SMYD3: variants seen among roughly 807,000 people sequenced by gnomAD.
SMYD3 encodes the protein histone-lysine N-methyltransferase SMYD3.
SMYD3 carries 36 observed loss-of-function variants against 57.7 expected under a neutral mutation model. The ratio of observed to expected loss-of-function variants is 0.62; its 90% CI spans 0.48 to 0.82. SMYD3 has a LOEUF of 0.82. Ranked by LOEUF, SMYD3 falls within the 40% of genes least tolerant of loss-of-function variation. SMYD3 has a pLI of 0.00. For synonymous variants in SMYD3, 211 were observed against 195.0 expected (o/e 1.08, Z -0.68); for missense variants, 515 against 538.8 (o/e 0.96, Z 0.44).
rs77134038 is a variant in SMYD3 at position 246,141,741 on chromosome 1, T to C, written c.531+185460A>G. Among the ~76,000 whole-genome samples the C allele has an allele frequency of 2.7e-3, 413 of 152,306 alleles. 2 individuals are homozygous for C. Among genetic ancestry groups the C allele is most frequent in the African/African-American group, 9.2e-3 (382 of 41,576 alleles). On this transcript the variant is annotated intron_variant, in intron 5 of 11. Transcript: ENST00000490107. Reference sequence around the variant, plus strand: ...ACAGTCCAGAATTCATAAAGCAATGTAAAAACATTCAAGATTCCATTTAGT... The same window carrying C: ...ACAGTCCAGAATTCATAAAGCAATGCAAAAACATTCAAGATTCCATTTAGT...
intron 10 of SMYD3, among the ~76,000 whole-genome samples, chr1:245,823,312 C>T (rs932187525): frequency 2.8e-5 from 4 of 143,190 alleles, no homozygotes; most frequent in African/African-American, 1.0e-4. Context: ...CTCTGCCACA[C>T]GTGCGTGTGC....
intron 5 of SMYD3, among the ~76,000 whole-genome samples, chr1:246,258,082 G>T (rs776475447): frequency 9.9e-5 from 15 of 152,220 alleles, no homozygotes; most frequent in Non-Finnish European, 2.2e-4. Context: ...TGTCACCCAG[G>T]CTAGAGTGCA....
chr1:245,959,901 C>T (rs2057955836), intron 5 of SMYD3, among the ~76,000 whole-genome samples: 2 of 152,138 alleles, frequency 1.3e-5, no homozygotes, highest in South Asian at 2.1e-4. Flanking sequence ...ACCTCAGCCT[C>T]CTGAGTAGCT....
At chr1:245,780,539 G>T (rs1160236581) in intron 10 of SMYD3, among the ~76,000 whole-genome samples, 2 of 150,560 alleles carry the variant, frequency 1.3e-5, no homozygotes, top group Non-Finnish European at 2.9e-5. Context: ...GGCCAAAGGG[G>T]GTTGGAGATG....
intron 5 of SMYD3, among the ~76,000 whole-genome samples, chr1:246,073,331 C>G (rs950086862): frequency 6.6e-6 from 1 of 152,126 alleles, no homozygotes. Context: ...AAAATTGTAA[C>G]AAATGTATTT....
chr1:245,825,974 A>G (rs1180166088), intron 10 of SMYD3, among the ~76,000 whole-genome samples: 1 of 32,584 alleles, frequency 3.1e-5, no homozygotes, highest in Non-Finnish European at 1.2e-4. Context: ...CTCTGCCTTA[A>G]TCATCTATCT....
In SMYD3 at chr1:246,052,333, G is replaced by C. The variant is rs563237211; in HGVS notation, c.532-122396C>G. On this transcript the variant is annotated intron_variant, in intron 5 of 11. Coordinates refer to ENST00000490107, the MANE Select transcript of SMYD3 (RefSeq NM_001167740.2). ...ACATCAATGGGACGGCATGTGATCA[G>C]ACAACTCTGGGGAATGCTAATGATT... Among the ~76,000 whole-genome samples the C allele has an allele frequency of 3.0e-4, 46 of 152,278 alleles. 1 individual carries two copies. Among genetic ancestry groups the C allele is most frequent in the African/African-American group, 1.1e-3 (45 of 41,552 alleles).
At chr1:245,846,053 G>C (rs1471086966) in intron 10 of SMYD3, among the ~76,000 whole-genome samples, 1 of 152,166 alleles carries the variant, frequency 6.6e-6, no homozygotes, top group African/African-American at 2.4e-5. Context: ...GGAGGGAATA[G>C]AACTTTTTCT....
rs1348214526 is a variant in SMYD3, at chr1:246,483,856, G to A, written c.164+23198C>T. The A allele has an allele frequency of 1.3e-5, 2 of 152,142 alleles. 1 individual carries two copies. Among genetic ancestry groups the A allele is most frequent in the South Asian group, 4.1e-4 (2 of 4,830 alleles). The allele number at this position is 152,142 out of a possible 1,614,324, so 9.4% of individuals were successfully genotyped here. A position where few individuals can be genotyped will look rare whatever the true frequency, so the allele number is the denominator to read the frequency against. On this transcript the variant is annotated intron_variant, in intron 1 of 11. Coordinates refer to ENST00000490107, the MANE Select transcript of SMYD3 (RefSeq NM_001167740.2). ...CATTTTGTGGTTAATTCCAAATAAT[G>A]TTCCATATTTTAATAAATCTACCAT...
intron 5 of SMYD3, among the ~76,000 whole-genome samples, chr1:246,310,890 G>A (rs985999614): frequency 2.0e-5 from 3 of 151,772 alleles, no homozygotes; most frequent in African/African-American, 7.3e-5. Flanking sequence ...GGCTGGTCTC[G>A]AACTCCTGAC....
chr1:245,936,408 G>A (rs2056983311), intron 5 of SMYD3, among the ~76,000 whole-genome samples: 1 of 151,766 alleles, frequency 6.6e-6, no homozygotes, highest in Non-Finnish European at 1.5e-5. Flanking sequence ...AGTCCCCAGT[G>A]TGTGATTTGG....
chr1:246,009,999 G>A (rs867968851), intron 5 of SMYD3, among the ~76,000 whole-genome samples: 1 of 134,798 alleles, frequency 7.4e-6, no homozygotes, highest in African/African-American at 2.8e-5. Flanking sequence ...GCTGAGGCAG[G>A]AGAATCGCTT....
intron 5 of SMYD3, among the ~76,000 whole-genome samples, chr1:246,002,687 C>T (rs1309937294): frequency 6.7e-6 from 1 of 149,688 alleles, no homozygotes; most frequent in East Asian, 2.0e-4. Context: ...CTCCTGACCT[C>T]GTGATCCGAC....
At chr1:246,415,745 T>A (rs1243929886) in intron 1 of SMYD3, among the ~76,000 whole-genome samples, 1 of 152,170 alleles carries the variant, frequency 6.6e-6, no homozygotes, top group African/African-American at 2.4e-5. Context: ...TTCACTCTTT[T>A]GGTTCAGTTT....
chr1:245,807,715 G>A (rs2048257506), intron 10 of SMYD3, among the ~76,000 whole-genome samples: 1 of 151,176 alleles, frequency 6.6e-6, no homozygotes, highest in Non-Finnish European at 1.5e-5. Context: ...CCCTTTCAGA[G>A]ACGCATCAAG....
intron 10 of SMYD3, among the ~76,000 whole-genome samples, chr1:245,807,712 A>G (rs541061633): frequency 6.6e-6 from 1 of 152,198 alleles, no homozygotes; most frequent in East Asian, 1.9e-4. Context: ...CTTCCCTTTC[A>G]GAGACGCATC....
intron 5 of SMYD3, among the ~76,000 whole-genome samples, chr1:245,957,085 C>A (rs1052339724): frequency 1.3e-5 from 2 of 152,206 alleles, no homozygotes; most frequent in Non-Finnish European, 2.9e-5. Context: ...GGCATGTATT[C>A]ATCTGCAGCA....
intron 5 of SMYD3, among the ~76,000 whole-genome samples, chr1:246,187,986 T>C (rs1007560950): frequency 2.6e-5 from 4 of 152,138 alleles, no homozygotes; most frequent in Non-Finnish European, 5.9e-5. Context: ...AAGTATCTAG[T>C]AGACCTCTTG....
At chr1:246,127,297 C>A (rs1425662054) in intron 5 of SMYD3, among the ~76,000 whole-genome samples, 1 of 152,026 alleles carries the variant, frequency 6.6e-6, no homozygotes, top group African/African-American at 2.4e-5. Context: ...TGCATAAACA[C>A]CTCAATATTT....
Sources: allele counts gnomAD v4.1 joint callset (sites outside exome capture counted in the v4.1 genomes callset), GRCh38; gene constraint gnomAD v4.1.1; transcripts MANE v1.5; gene names NCBI Gene and HGNC (gene_info 2026-07-23, HGNC 2026-07-21).